The following ENPP6 variants were observed in gnomAD, a reference collection of about 807,000 sequenced individuals.
ENPP6 encodes the protein glycerophosphocholine cholinephosphodiesterase ENPP6.
In ENPP6, 32 loss-of-function variants were observed where a neutral mutation model predicts 42.0. That is an observed-to-expected ratio of 0.76 (90% CI 0.58 to 1.02). ENPP6 has a LOEUF of 1.02. ENPP6 is among the 50% of genes least tolerant of loss of function. ENPP6 has a pLI of 0.00. For synonymous variants in ENPP6, 213 were observed against 216.0 expected, an observed-to-expected ratio of 0.99 and a Z score of 0.12; for missense variants, 552 against 566.8, an observed-to-expected ratio of 0.97 and a Z score of 0.27.
At position 184,117,393 on chromosome 4, in the gene ENPP6, G is replaced by A. The variant is rs1478316694; in HGVS notation, c.676-358C>T. 5.3e-5 allele frequency among the ~76,000 whole-genome samples: 8 copies of A among 152,184 alleles called. No homozygotes were observed. The East Asian group carries it at 1.5e-3, about 29-fold the overall frequency. On this transcript the variant is annotated intron_variant, in intron 4 of 7. Transcript: ENST00000296741. Reference sequence around the variant, plus strand: ...ATAAAGCACAGGAAGGGAAAGCAAAGGTAAAAACAAAACTGAACACTTGTA... The same window carrying A: ...ATAAAGCACAGGAAGGGAAAGCAAAAGTAAAAACAAAACTGAACACTTGTA...
At chr4:184,189,651 G>C (rs1359252870) in intron 1 of ENPP6, among the ~76,000 whole-genome samples, 1 of 152,198 alleles carries the variant, frequency 6.6e-6, no homozygotes, top group Non-Finnish European at 1.5e-5. Flanking sequence ...AGAAGAAAGA[G>C]AGGACCCTGC....
chr4:184,148,382 C>G (rs1253616705), intron 2 of ENPP6, among the ~76,000 whole-genome samples: 1 of 152,156 alleles, frequency 6.6e-6, no homozygotes, highest in African/African-American at 2.4e-5. Context: ...ACTCTTTTGG[C>G]CAAGATACCA....
At chr4:184,160,994 T>C (rs1299222747) in intron 1 of ENPP6, among the ~76,000 whole-genome samples, 1 of 152,006 alleles carries the variant, frequency 6.6e-6, no homozygotes. Flanking sequence ...ATTCAACATC[T>C]CTTCATGACA....
intron 2 of ENPP6, among the ~76,000 whole-genome samples, chr4:184,152,745 C>T (rs1208538076): frequency 3.3e-5 from 5 of 152,132 alleles, no homozygotes; most frequent in South Asian, 2.1e-4. Context: ...GAGGGTGTCC[C>T]GAGGACTTCT....
chr4:184,113,969 T>C (rs4995146), intron 5 of ENPP6, among the ~76,000 whole-genome samples: 23 of 135,176 alleles, frequency 1.7e-4, no homozygotes, highest in African/African-American at 6.0e-4. Flanking sequence ...CTTTCTCTCT[T>C]TCTTTCTTTC....
At chr4:184,130,385 T>C (rs7665687) in intron 2 of ENPP6, among the ~76,000 whole-genome samples, 91,544 of 136,976 alleles carry the variant, frequency 0.67, 30,984 homozygotes, top group African/African-American at 0.74. Context: ...GGTGAAACCC[T>C]GTCTCTACTA....
At chr4:184,136,842 T>C (rs1441409690) in intron 2 of ENPP6, among the ~76,000 whole-genome samples, 1 of 152,208 alleles carries the variant, frequency 6.6e-6, no homozygotes, top group Non-Finnish European at 1.5e-5. Flanking sequence ...AATGTATAGT[T>C]TGGTATTTCT....
intron 6 of ENPP6, among the ~76,000 whole-genome samples, chr4:184,109,708 A>G (rs1425451391): frequency 6.6e-6 from 1 of 152,180 alleles, no homozygotes; most frequent in African/African-American, 2.4e-5. Context: ...GTGATTGTAT[A>G]TGTTAAAATG....
At chr4:184,213,737 TGG>T (rs1025408152) in intron 1 of ENPP6, among the ~76,000 whole-genome samples, 3 of 148,728 alleles carry the variant, frequency 2.0e-5, no homozygotes, top group African/African-American at 7.3e-5. Flanking sequence ...ATCCCATTAC[TGG>T]GTATATATCC....
At chr4:184,175,453 T>C (rs892721093) in intron 1 of ENPP6, among the ~76,000 whole-genome samples, 4 of 152,170 alleles carry the variant, frequency 2.6e-5, no homozygotes, top group African/African-American at 9.7e-5. Flanking sequence ...TTCCCTGCTC[T>C]CTTCTCTTCT....
intron 1 of ENPP6, among the ~76,000 whole-genome samples, chr4:184,183,500 T>TACACACAC (rs35771707): frequency 1.3e-5 from 2 of 148,396 alleles, no homozygotes; most frequent in African/African-American, 5.1e-5. Context: ...CATGCATGTA[T>TACACACAC]ACACACACAC....
chr4:184,164,736 G>A (rs898794074), intron 1 of ENPP6, among the ~76,000 whole-genome samples: 2 of 152,144 alleles, frequency 1.3e-5, no homozygotes, highest in Non-Finnish European at 2.9e-5. Context: ...TCCACATTTC[G>A]TCCTCACCGT....
At chr4:184,144,609 T>C (rs17075347) in intron 2 of ENPP6, among the ~76,000 whole-genome samples, 7,576 of 152,250 alleles carry the variant, frequency 0.05, 560 homozygotes, top group African/African-American at 0.16. Context: ...TCCAATGGCC[T>C]AACTAAGGTA....
At chr4:184,121,012 C>T (rs1384253050) in intron 3 of ENPP6, among the ~76,000 whole-genome samples, 2 of 152,164 alleles carry the variant, frequency 1.3e-5, no homozygotes, top group Non-Finnish European at 2.9e-5. Context: ...CACTGGCTGG[C>T]TTGTGAGGTC....
At chr4:184,208,407 C>T (rs1199892341) in intron 1 of ENPP6, among the ~76,000 whole-genome samples, 1 of 152,148 alleles carries the variant, frequency 6.6e-6, no homozygotes, top group Non-Finnish European at 1.5e-5. Flanking sequence ...CGAAGCGGGG[C>T]GAGGCATTGC....
At chr4:184,106,052 T>A (rs2111336215) in intron 6 of ENPP6, among the ~76,000 whole-genome samples, 1 of 152,138 alleles carries the variant, frequency 6.6e-6, no homozygotes, top group Non-Finnish European at 1.5e-5. Context: ...TTTTTTTTTT[T>A]TTGAGATGGA....
intron 1 of ENPP6, 91 bp from the exon 2 acceptor site, chr4:184,153,824 G>A (rs1307264926): frequency 2.9e-5 from 41 of 1,405,410 alleles, no homozygotes; most frequent in Middle Eastern, 3.7e-4. Context: ...ATTCGTGCTC[G>A]TTTAGGAAGT....
chr4:184,164,436 G>A (rs1737317615), intron 1 of ENPP6, among the ~76,000 whole-genome samples: 1 of 152,140 alleles, frequency 6.6e-6, no homozygotes, highest in Non-Finnish European at 1.5e-5. Flanking sequence ...TTCTTAGGGT[G>A]GGCCCTAATC....
chr4:184,157,314 A>G (rs1031924552), intron 1 of ENPP6, among the ~76,000 whole-genome samples: 1 of 152,164 alleles, frequency 6.6e-6, no homozygotes, highest in Non-Finnish European at 1.5e-5. Flanking sequence ...GCTGGATCCC[A>G]CTGCAGCATC....
Sources: allele counts gnomAD v4.1 joint callset (sites outside exome capture counted in the v4.1 genomes callset), GRCh38; gene constraint gnomAD v4.1.1; transcripts MANE v1.5; gene names NCBI Gene and HGNC (gene_info 2026-07-23, HGNC 2026-07-21).